MARCHF1: variants seen among roughly 807,000 people sequenced by gnomAD.
The protein encoded by MARCHF1 is membrane associated ring-CH-type finger 1, also known as E3 ubiquitin-protein ligase MARCHF1.
A neutral mutation model predicts 54.2 loss-of-function variants in MARCHF1; 40 were observed. The observed-to-expected ratio is 0.74, with a 90% CI of 0.57 to 0.96. The LOEUF (loss-of-function observed/expected upper bound fraction) is 0.96. Among genes scored for constraint, MARCHF1 ranks in the 40% least tolerant of loss-of-function variants. MARCHF1 has a pLI of 0.00. For missense variants in MARCHF1, 586 were observed against 656.5 expected (o/e 0.89, Z 1.17); for synonymous variants, 236 against 236.3 (o/e 1.00, Z 0.01).
At chr4:164,215,235 T>A (rs918142481) in intron 1 of MARCHF1, among the ~76,000 whole-genome samples, 1 of 152,114 alleles carries the variant, frequency 6.6e-6, no homozygotes, top group African/African-American at 2.4e-5. Context: ...AGAAGAGAGA[T>A]GGTTTTCCCC....
At chr4:163,736,549 T>TGGGGGGGGGGG (rs10539755) in intron 4 of MARCHF1, among the ~76,000 whole-genome samples, 1 of 132,418 alleles carries the variant, frequency 7.6e-6, no homozygotes, top group Admixed American at 8.1e-5. Flanking sequence ...AAGGGTTGGG[T>TGGGGGGGGGGG]GGGGGGGGGG....
intron 1 of MARCHF1, among the ~76,000 whole-genome samples, chr4:164,245,040 C>G (rs1732899271): frequency 6.6e-6 from 1 of 152,188 alleles, no homozygotes; most frequent in Non-Finnish European, 1.5e-5. Context: ...CAAGGAGGAA[C>G]TGGTACCATT....
chr4:164,320,657 C>G (rs4130744), intron 1 of MARCHF1, among the ~76,000 whole-genome samples: 63,112 of 151,980 alleles, frequency 0.42, 15,247 homozygotes, highest in African/African-American at 0.64. Flanking sequence ...AACAGAAAAC[C>G]GGTCAATTTA....
chr4:164,262,826 T>C (rs1209195179), intron 1 of MARCHF1, among the ~76,000 whole-genome samples: 9 of 152,186 alleles, frequency 5.9e-5, no homozygotes, highest in Non-Finnish European at 1.3e-4. Context: ...ACACTCCCAA[T>C]ATCACAGAAG....
intron 5 of MARCHF1, among the ~76,000 whole-genome samples, chr4:163,688,826 G>A (rs981260934): frequency 2.0e-5 from 3 of 152,048 alleles, no homozygotes; most frequent in Admixed American, 6.6e-5. Context: ...TTGAATGTAT[G>A]CTCTTATTTC....
intron 5 of MARCHF1, among the ~76,000 whole-genome samples, chr4:163,620,606 C>CACACACACACAG (rs1282901525): frequency 1.8e-5 from 1 of 56,870 alleles, no homozygotes; most frequent in African/African-American, 4.7e-5. Context: ...CACACACACA[C>CACACACACACAG]AGAGAGAGAG....
In MARCHF1 at chr4:164,082,457, T is replaced by C. The variant is rs555964403; in HGVS notation, c.-248+29131A>G. On this transcript the variant is annotated intron_variant, in intron 2 of 9. Transcript: ENST00000514618. ...TTGTCCCCACCTTAGGTCTTCAATATGGCTTTGAGCTAGTTTACAATTTAG... is the reference window on the plus strand; with the variant it reads ...TTGTCCCCACCTTAGGTCTTCAATACGGCTTTGAGCTAGTTTACAATTTAG... Among the ~76,000 whole-genome samples the C allele has an allele frequency of 6.6e-4, 101 of 152,334 alleles. 1 individual carries two copies. Among genetic ancestry groups the C allele is most frequent in the African/African-American group, 2.3e-3 (94 of 41,578 alleles).
intron 5 of MARCHF1, among the ~76,000 whole-genome samples, chr4:163,665,717 A>C (rs1294520028): frequency 2.0e-5 from 3 of 152,136 alleles, no homozygotes; most frequent in Non-Finnish European, 4.4e-5. Context: ...CTAAGTAGAA[A>C]TCTGACCACT....
chr4:163,843,195 T>G (rs1458074432), intron 4 of MARCHF1, among the ~76,000 whole-genome samples: 1 of 152,160 alleles, frequency 6.6e-6, no homozygotes, highest in Non-Finnish European at 1.5e-5. Flanking sequence ...AGGACATGAT[T>G]TTATTCTTTT....
chr4:163,854,844 C>T (rs145397109), intron 3 of MARCHF1, among the ~76,000 whole-genome samples: 146 of 152,246 alleles, frequency 9.6e-4, no homozygotes, highest in African/African-American at 3.4e-3. Context: ...AATGTTTTGT[C>T]TCTGAAAAAG....
Position 164,310,531 on chromosome 4 carries a change from A to G in MARCHF1, c.-323+73339T>C, listed in dbSNP as rs567433610. Among the ~76,000 whole-genome samples the G allele has an allele frequency of 3.3e-5, 5 of 152,068 alleles. No individual in the cohort carries two copies. In the South Asian group the frequency reaches 1.0e-3, roughly 32 times the overall value. ...CTACTAGGAGAAAAAAATCATTTTT[A>G]TACAGGACGTGTAGATTCAAGAAAC... On this transcript the variant is annotated intron_variant, in intron 1 of 9. Coordinates refer to ENST00000514618, the MANE Select transcript of MARCHF1 (RefSeq NM_001394959.1).
chr4:163,935,701 T>G (rs900619281), intron 3 of MARCHF1, among the ~76,000 whole-genome samples: 4 of 76,544 alleles, frequency 5.2e-5, no homozygotes, highest in Admixed American at 1.9e-4. Flanking sequence ...TTGCTTGCTT[T>G]CTTTTTTTTT....
At chr4:164,179,737 G>A (rs75818203) in intron 1 of MARCHF1, among the ~76,000 whole-genome samples, 3,527 of 151,632 alleles carry the variant, frequency 0.023, 130 homozygotes, top group African/African-American at 0.079. Flanking sequence ...CTCATTTGTA[G>A]TTAATTACTC....
intron 1 of MARCHF1, among the ~76,000 whole-genome samples, chr4:164,251,629 T>C (rs1209913284): frequency 6.6e-6 from 1 of 152,194 alleles, no homozygotes; most frequent in African/African-American, 2.4e-5. Flanking sequence ...ACTTCGTGTA[T>C]TGATAAAACT....
Position 164,198,400 on chromosome 4 carries a change from A to C in MARCHF1, c.-322-86738T>G, listed in dbSNP as rs920822526. On this transcript the variant is annotated intron_variant, in intron 1 of 9. Transcript: ENST00000514618. ...GAGTGGCATGTATGTTTATTTAGAG[A>C]GGAATAATTTTTTACTTTCTGAGAC... Among the ~76,000 whole-genome samples, 7 of 152,206 alleles carry C rather than the reference A, an allele frequency of 4.6e-5. No individual in the cohort carries two copies. In the East Asian group the frequency reaches 1.3e-3, roughly 29 times the overall value.
intron 9 of MARCHF1, among the ~76,000 whole-genome samples, chr4:163,538,791 G>T (rs1738622749): frequency 6.6e-6 from 1 of 151,854 alleles, no homozygotes; most frequent in African/African-American, 2.4e-5. Flanking sequence ...ATTTTCTTTG[G>T]TTTCAATTTC....
At chr4:164,079,911 T>A (rs142128464) in intron 2 of MARCHF1, among the ~76,000 whole-genome samples, 137 of 152,316 alleles carry the variant, frequency 9.0e-4, no homozygotes, top group Non-Finnish European at 1.7e-3. Flanking sequence ...TTAATATCAG[T>A]GTGATAGCCT....
chr4:164,249,355 G>A (rs1032005921), intron 1 of MARCHF1, among the ~76,000 whole-genome samples: 13 of 152,180 alleles, frequency 8.5e-5, no homozygotes, highest in Admixed American at 5.2e-4. Context: ...GTATGGGAAT[G>A]AAGAAGACAT....
intron 1 of MARCHF1, among the ~76,000 whole-genome samples, chr4:164,273,415 G>A (rs1733792436): frequency 6.6e-6 from 1 of 152,054 alleles, no homozygotes; most frequent in Non-Finnish European, 1.5e-5. Flanking sequence ...GATTATGGGG[G>A]CTATGGGGAT....
Sources: gnomAD v4.1 joint callset for allele counts (sites outside exome capture counted in the v4.1 genomes callset) on GRCh38, gnomAD v4.1.1 for gene constraint, MANE v1.5 for transcripts, NCBI Gene and HGNC (gene_info 2026-07-23, HGNC 2026-07-21) for gene names.